CEP57L1: variants seen among roughly 807,000 people sequenced by gnomAD.
CEP57L1 encodes the protein centrosomal protein CEP57L1.
A neutral mutation model predicts 61.0 loss-of-function variants in CEP57L1; 37 were observed. The observed-to-expected ratio is 0.61, with a 90% CI of 0.47 to 0.80. CEP57L1 has a LOEUF of 0.80. CEP57L1 is among the 30% of genes least tolerant of loss of function. The pLI is 0.00. For synonymous variants in CEP57L1, 137 were observed against 162.3 expected (o/e 0.84, Z 1.19); for missense variants, 422 against 524.7 (o/e 0.80, Z 1.91).
intron 1 of CEP57L1, among the ~76,000 whole-genome samples, chr6:109,098,552 A>C (rs1781992844): frequency 6.6e-6 from 1 of 151,688 alleles, no homozygotes; most frequent in African/African-American, 2.4e-5. Context: ...CTCCCACCTC[A>C]GTCTCCCAGG....
At chr6:109,155,166 A>T in intron 5 of CEP57L1, 64 bp from the exon 6 acceptor site, 1 of 1,009,026 alleles carries the variant, frequency 9.9e-7, no homozygotes, top group East Asian at 2.7e-5. Flanking sequence ...TCTATTTGGA[A>T]AAGAAACAAA....
intron 5 of CEP57L1, among the ~76,000 whole-genome samples, chr6:109,154,212 G>T (rs1458726884): frequency 1.3e-5 from 2 of 151,984 alleles, no homozygotes; most frequent in Non-Finnish European, 2.9e-5. Context: ...TTACCTAAAG[G>T]GTATTGAAAA....
intron 1 of CEP57L1, among the ~76,000 whole-genome samples, chr6:109,141,447 T>C (rs1438782064): frequency 6.6e-6 from 1 of 152,084 alleles, no homozygotes; most frequent in Non-Finnish European, 1.5e-5. Flanking sequence ...ACTCCTGACC[T>C]CATGATCCGC....
chr6:109,124,406 T>A (rs1443029412), intron 1 of CEP57L1, among the ~76,000 whole-genome samples: 2 of 152,210 alleles, frequency 1.3e-5, no homozygotes, highest in Non-Finnish European at 2.9e-5. Context: ...CTTGCTTTCA[T>A]AATTTTGCAT....
chr6:109,095,882 C>T (rs966679547), intron 1 of CEP57L1, among the ~76,000 whole-genome samples: 1 of 152,106 alleles, frequency 6.6e-6, no homozygotes, highest in Non-Finnish European at 1.5e-5. Flanking sequence ...TGTGGACACA[C>T]GCGGGGTGGA....
At position 109,168,131 on chromosome 6, in the gene CEP57L1, A is replaced by G. The variant is rs919140788; in HGVS notation, c.*5161A>G. The stretch of plus-strand genomic sequence containing the variant: ...TTTGTAATTTCTTCATTTTCTATCT[A>G]TCTTGATTTATATACCTTCACCTTT... On this transcript the variant is annotated 3_prime_UTR_variant, in exon 11 of 11. Transcript: ENST00000517392. Among the ~76,000 whole-genome samples, 3 of 152,230 alleles carry G rather than the reference A, an allele frequency of 2.0e-5. No homozygotes were observed. The highest frequency in any genetic ancestry group is 4.4e-5 in the Non-Finnish European group (3 of 68,030).
chr6:109,098,888 C>T (rs1236463800), intron 1 of CEP57L1, among the ~76,000 whole-genome samples: 2 of 152,132 alleles, frequency 1.3e-5, no homozygotes, highest in Admixed American at 6.6e-5. Context: ...AGTAATAATC[C>T]AGGTGACAGA....
intron 5 of CEP57L1, among the ~76,000 whole-genome samples, chr6:109,154,467 G>A (rs1452749555): frequency 6.6e-6 from 1 of 151,510 alleles, no homozygotes; most frequent in African/African-American, 2.4e-5. Flanking sequence ...TATATATGGT[G>A]CCTGTCAAGT....
rs1774064567 is a variant in CEP57L1, at chr6:109,165,823, C to CTATG, written c.*2854_*2857dup. On this transcript the variant is annotated 3_prime_UTR_variant, in exon 11 of 11. Transcript: ENST00000517392. ...TTCTTTCCTGGATGGAGCAGTCAGT[C>CTATG]TATGGTCAGTGTAAGAGTTGCTGTA... The CTATG allele has an allele frequency of 6.6e-6, 1 of 152,186 alleles. No homozygotes were observed. Among genetic ancestry groups the CTATG allele is most frequent in the Non-Finnish European group, 1.5e-5 (1 of 68,034 alleles). 9.4% of individuals were successfully genotyped at this position (152,186 alleles called of 1,614,324 possible).
In CEP57L1 at chr6:109,173,607, AAT is replaced by A. The variant is rs1491491502; in HGVS notation, c.*10638_*10639del. Among the ~76,000 whole-genome samples, 8 of 150,494 alleles carry A rather than the reference AAT, an allele frequency of 5.3e-5. No individual in the cohort carries two copies. Among genetic ancestry groups the A allele is most frequent in the African/African-American group, 1.7e-4 (7 of 41,052 alleles). On this transcript the variant is annotated 3_prime_UTR_variant, in exon 11 of 11. Coordinates refer to ENST00000517392, the MANE Select transcript of CEP57L1 (RefSeq NM_001271852.3). ...ACCTGGCTAATTAAAAAAAAAAAAA[AAT>A]TTTTTTTTTTGAGGAGACGCGGTCT...
At chr6:109,145,891 G>T (rs1771907198) in intron 2 of CEP57L1, among the ~76,000 whole-genome samples, 1 of 151,774 alleles carries the variant, frequency 6.6e-6, no homozygotes, top group African/African-American at 2.4e-5. Flanking sequence ...ATTACTCCAG[G>T]CATATTTTAA....
chr6:109,152,972 A>G (rs1396839986), intron 4 of CEP57L1, among the ~76,000 whole-genome samples: 1 of 147,578 alleles, frequency 6.8e-6, no homozygotes, highest in African/African-American at 2.5e-5. Context: ...AGTGTAGGGC[A>G]TGGTGGCAGG....
In CEP57L1 at chr6:109,168,316, A is replaced by G. The variant is rs546752189; in HGVS notation, c.*5346A>G. Among the ~76,000 whole-genome samples the G allele has an allele frequency of 1.3e-5, 2 of 152,352 alleles. No homozygotes were observed. Among genetic ancestry groups the G allele is most frequent in the Non-Finnish European group, 1.5e-5 (1 of 68,034 alleles). Reference sequence around the variant, plus strand: ...GAGTGGAAAAAGTGGGTATGAAACAATGAAGTAAATGGAGAAGTGGGGGAA... The same window carrying G: ...GAGTGGAAAAAGTGGGTATGAAACAGTGAAGTAAATGGAGAAGTGGGGGAA... On this transcript the variant is annotated 3_prime_UTR_variant, in exon 11 of 11. Coordinates refer to ENST00000517392, the MANE Select transcript of CEP57L1 (RefSeq NM_001271852.3).
At chr6:109,101,629 T>C (rs1782426430) in intron 1 of CEP57L1, among the ~76,000 whole-genome samples, 1 of 150,880 alleles carries the variant, frequency 6.6e-6, no homozygotes, top group Non-Finnish European at 1.5e-5. Flanking sequence ...TTTTCTTTTT[T>C]TTTTTTTTTG....
intron 1 of CEP57L1, among the ~76,000 whole-genome samples, chr6:109,119,536 T>C (rs1041480242): frequency 3.9e-5 from 6 of 152,300 alleles, no homozygotes; most frequent in African/African-American, 1.4e-4. Context: ...GAGGCAAAGA[T>C]GGTGCTTTAA....
At chr6:109,137,208 AT>A (rs1374328883) in intron 1 of CEP57L1, among the ~76,000 whole-genome samples, 1 of 151,838 alleles carries the variant, frequency 6.6e-6, no homozygotes, top group African/African-American at 2.4e-5. Context: ...TTTCATTTTT[AT>A]TTTGATTTTG....
intron 1 of CEP57L1, among the ~76,000 whole-genome samples, chr6:109,125,523 TA>T (rs71551361): frequency 0.028 from 3,820 of 135,756 alleles, 59 homozygotes; most frequent in African/African-American, 0.041. Flanking sequence ...TATATATATA[TA>T]TTTTTTTTTT....
chr6:109,163,156 G>T lies in CEP57L1; in HGVS notation c.*186G>T. The T allele has an allele frequency of 2.0e-6, 1 of 495,122 alleles. No homozygotes were observed. The highest frequency in any genetic ancestry group is 3.6e-6 in the Non-Finnish European group (1 of 280,468). 30.7% of individuals were successfully genotyped at this position (495,122 alleles called of 1,614,324 possible). A position where few individuals can be genotyped will look rare whatever the true frequency, so the allele number is the denominator to read the frequency against. The stretch of plus-strand genomic sequence containing the variant: ...GTGGGTTCCAAATAATAAATTAATT[G>T]CTTTTTTATTTTTCTTATTGATTGA... On this transcript the variant is annotated 3_prime_UTR_variant, in exon 11 of 11. Coordinates refer to ENST00000517392, the MANE Select transcript of CEP57L1 (RefSeq NM_001271852.3).
At chr6:109,095,383 C>T (rs1106853), upstream of CEP57L1, 136,303 of 985,718 alleles carry the variant, frequency 0.14, 10,713 homozygotes, top group African/African-American at 0.32. Flanking sequence ...ACGGCCTCTT[C>T]ATTACTCCAA....
Sources: gnomAD v4.1 joint callset for allele counts (sites outside exome capture counted in the v4.1 genomes callset) on GRCh38, gnomAD v4.1.1 for gene constraint, MANE v1.5 for transcripts, NCBI Gene and HGNC (gene_info 2026-07-23, HGNC 2026-07-21) for gene names.